COL6A3: variants seen among roughly 807,000 people sequenced by gnomAD.
COL6A3 encodes collagen type VI alpha 3 chain.
A neutral mutation model predicts 274.1 loss-of-function variants in COL6A3; 137 were observed. The observed-to-expected ratio is 0.50, with a 90% confidence interval of 0.44 to 0.58. The LOEUF (loss-of-function observed/expected upper bound fraction) is 0.58, where lower values mean the gene tolerates loss of function less well. COL6A3 is among the 20% of genes least tolerant of loss of function. The pLI, the probability that COL6A3 is intolerant of heterozygous loss-of-function variation, is 0.00. For missense variants in COL6A3, 3,950 were observed against 4,124.9 expected (o/e 0.96, Z 1.16); for synonymous variants, 1,650 against 1,650.6 (o/e 1.00, Z 0.01).
chr2:237,366,042 A>C lies in COL6A3; in HGVS notation c.5501-7T>G, dbSNP rs763492632. 4 of 1,612,344 alleles carry C rather than the reference A, an allele frequency of 2.5e-6. No individual in the cohort carries two copies. In the Admixed American group the frequency reaches 6.7e-5, roughly 27 times the overall value. ...ATCACATCCAGATTACAAGCTGGAAAGGAGAAATGCAGGTGATGAGTTCTC... is the reference window on the plus strand; with the variant it reads ...ATCACATCCAGATTACAAGCTGGAACGGAGAAATGCAGGTGATGAGTTCTC... On this transcript the variant is annotated splice_polypyrimidine_tract_variant and splice_region_variant and intron_variant, in intron 11 of 43. Coordinates refer to ENST00000295550, the MANE Select transcript of COL6A3 (RefSeq NM_004369.4).
intron 1 of COL6A3, among the ~76,000 whole-genome samples, chr2:237,400,600 T>C (rs1315537194): frequency 6.6e-6 from 1 of 150,886 alleles, no homozygotes; most frequent in African/African-American, 2.4e-5. Context: ...AGTATGGGGT[T>C]GAATCGGTAA....
intron 4 of COL6A3, among the ~76,000 whole-genome samples, chr2:237,382,585 T>C (rs547690570): frequency 3.9e-5 from 6 of 152,242 alleles, no homozygotes; most frequent in Admixed American, 3.9e-4. Flanking sequence ...CCCAAAAACC[T>C]GACAGAGATT....
intron 2 of COL6A3, among the ~76,000 whole-genome samples, chr2:237,395,918 G>C (rs559385084): frequency 6.6e-6 from 1 of 152,180 alleles, no homozygotes; most frequent in Non-Finnish European, 1.5e-5. Context: ...TGGGAGCTCA[G>C]GGTATCAGGC....
intron 28 of COL6A3, among the ~76,000 whole-genome samples, chr2:237,349,647 T>A (rs2077165719): frequency 6.6e-6 from 1 of 152,350 alleles, no homozygotes; most frequent in African/African-American, 2.4e-5. Context: ...CACAAAATTA[T>A]TGTTGGTGAG....
intron 1 of COL6A3, among the ~76,000 whole-genome samples, chr2:237,404,211 C>T (rs2078667081): frequency 1.3e-5 from 2 of 152,044 alleles, no homozygotes; most frequent in East Asian, 3.9e-4. Context: ...TGTTTTAATA[C>T]GGGATCAACA....
chr2:237,351,226 T>A, intron 26 of COL6A3, 34 bp from the exon 27 acceptor site: 1 of 1,607,634 alleles, frequency 6.2e-7, no homozygotes, highest in Non-Finnish European at 8.5e-7. Flanking sequence ...GTCAGTGAAG[T>A]GGCCAACCGT....
chr2:237,358,681 C>A, intron 20 of COL6A3, 98 bp from the exon 21 acceptor site: 1 of 1,105,284 alleles, frequency 9.0e-7, no homozygotes, highest in African/African-American at 1.5e-5. Context: ...TTAACTAGAA[C>A]AATGTTTACA....
At chr2:237,396,206 TAG>T (rs1486925517) in intron 2 of COL6A3, among the ~76,000 whole-genome samples, 2 of 152,304 alleles carry the variant, frequency 1.3e-5, no homozygotes, top group African/African-American at 2.4e-5. Context: ...AAATTCTTAA[TAG>T]AGTTAATTAG....
chr2:237,340,103 C>T (rs974376581), intron 38 of COL6A3, among the ~76,000 whole-genome samples: 2 of 152,172 alleles, frequency 1.3e-5, no homozygotes, highest in East Asian at 3.9e-4. Context: ...ACTTCTCTCG[C>T]GACATGCCAG....
chr2:237,331,335 T>C (rs868201377), intron 42 of COL6A3, among the ~76,000 whole-genome samples: 1 of 151,954 alleles, frequency 6.6e-6, no homozygotes, highest in Non-Finnish European at 1.5e-5. Context: ...ATTAAAAAAT[T>C]TTCCCCCCAC....
At chr2:237,376,394 T>C (rs1190229882) in intron 7 of COL6A3, among the ~76,000 whole-genome samples, 1 of 152,224 alleles carries the variant, frequency 6.6e-6, no homozygotes, top group Admixed American at 6.5e-5. Flanking sequence ...AGGCATTGGG[T>C]GAATATGAAG....
At position 237,404,649 on chromosome 2, in the gene COL6A3, T is replaced by C. The variant is rs140232059; in HGVS notation, c.-30-7802A>G. On this transcript the variant is annotated intron_variant, in intron 1 of 43. Coordinates refer to ENST00000295550, the MANE Select transcript of COL6A3 (RefSeq NM_004369.4). ...GCATTGACAAAGAGCACAAGTGAAT[T>C]ATGCCTTGAGCAGGTTTTGCTAATG... Among the ~76,000 whole-genome samples, 50 of 152,272 alleles carry C rather than the reference T, an allele frequency of 3.3e-4. 1 individual carries two copies. The highest frequency in any genetic ancestry group is 1.7e-3 in the South Asian group (8 of 4,832).
chr2:237,357,919 T>G lies in COL6A3; in HGVS notation c.6472-37A>C, dbSNP rs772519141. On this transcript the variant is annotated intron_variant, in intron 21 of 43. Coordinates refer to ENST00000295550, the MANE Select transcript of COL6A3 (RefSeq NM_004369.4). ...ATGGGAAAGGGAAATGAGCCACATA[T>G]GGAAGGAAAGCAGCTGCCACTGGAC... 8.8e-6 allele frequency: 14 copies of G among 1,593,024 alleles called. No homozygotes were observed. In the African/African-American group the frequency reaches 1.9e-4, roughly 21 times the overall value.
At chr2:237,378,526 C>A in intron 6 of COL6A3, 110 bp downstream of exon 6, 1 of 1,497,660 alleles carries the variant, frequency 6.7e-7, no homozygotes, top group Non-Finnish European at 9.3e-7. Flanking sequence ...TGGAAGGGAG[C>A]CAATTGTCTT....
At position 237,324,109 on chromosome 2, in the gene COL6A3, C is replaced by A. The variant is rs1050785; in HGVS notation, c.*665G>T. On this transcript the variant is annotated 3_prime_UTR_variant, in exon 44 of 44. Transcript: ENST00000295550. ...TTAAATCCCCTCCCTCCAGCACACA[C>A]AAAAAAAAAACACACAACATTAGAG... The A allele has an allele frequency of 0.65, 97,554 of 149,242 alleles. 32,004 individuals carry two copies. The highest frequency in any genetic ancestry group is 0.78 in the African/African-American group (31,791 of 40,728). The allele number at this position is 149,242 out of a possible 1,614,324, so 9.2% of individuals were successfully genotyped here. A position where few individuals can be genotyped will look rare whatever the true frequency, so the allele number is the denominator to read the frequency against.
chr2:237,384,735 G>GA (rs2078101710), intron 4 of COL6A3, among the ~76,000 whole-genome samples: 1 of 152,030 alleles, frequency 6.6e-6, no homozygotes. Flanking sequence ...CTGTCTCTGA[G>GA]AAAATAGAAG....
Position 237,344,725 on chromosome 2 carries a change from G to T in COL6A3, c.7293C>A (p.Asp2431Glu). 2 of 1,604,744 alleles carry T rather than the reference G, an allele frequency of 1.2e-6. No individual in the cohort carries two copies. The highest frequency in any genetic ancestry group is 8.5e-7 in the Non-Finnish European group (1 of 1,175,388). Residue 2431 changes from aspartate (D) to glutamate (E), a missense_variant, in exon 36 of 44, where the codon GAC (aspartate) becomes GAA (glutamate). By Grantham distance (45) the Asp-to-Glu change is conservative. Around this residue, in one of 5 missense-constraint regions of COL6A3, gnomAD observed 1,284 missense variants for 1,349.7 expected, o/e 0.95. Transcript: ENST00000295550. This position sits in a 1 kb window ranked among gnomAD's most constrained non-coding sequence, Gnocchi z 4.8. ...GGCAGTTGCTCTCAGCAATGGTCAG[G>T]TCATTCACAATACTCAAGACCACAT... ...MRDVVLSIVN[D>E]LTIAESNCPR...
At position 237,369,155 on chromosome 2, in the gene COL6A3, G is replaced by C. The variant is rs775286217; in HGVS notation, c.4308C>G (p.Asp1436Glu). 11 of 1,612,388 alleles carry C rather than the reference G, an allele frequency of 6.8e-6. No homozygotes were observed. Among genetic ancestry groups the C allele is most frequent in the Non-Finnish European group, 8.5e-6 (10 of 1,180,026 alleles). Reference sequence around the variant, plus strand: ...CAGAGCTGTCGATCAGAAAGACAATGTCTGCAGCATCACTCTCAACTGCTG... The same window carrying C: ...CAGAGCTGTCGATCAGAAAGACAATCTCTGCAGCATCACTCTCAACTGCTG... ...PPPAVESDAA[D>E]IVFLIDSSEG... is the part of the protein sequence containing the mutation. The change falls in exon 10 of 44, where the codon GAC becomes GAG. Residue 1436 changes from aspartate (D) to glutamate (E), a missense_variant. Physicochemically the swap from Asp to Glu is conservative, Grantham distance 45 (BLOSUM62 2). Around this residue, in one of 5 missense-constraint regions of COL6A3, gnomAD observed 1,934 missense variants for 1,984.3 expected, o/e 0.97. Transcript: ENST00000295550.
intron 37 of COL6A3, 96 bp from the exon 38 acceptor site, chr2:237,341,246 C>T (rs2076981373): frequency 2.4e-6 from 3 of 1,258,132 alleles, no homozygotes; most frequent in Non-Finnish European, 3.5e-6. Context: ...TTAAAATGAT[C>T]ACATAAGATC....
Sources: allele counts gnomAD v4.1 joint callset (sites outside exome capture counted in the v4.1 genomes callset), GRCh38; gene constraint gnomAD v4.1.1; regional missense constraint gnomAD v4.1.1; non-coding constraint Gnocchi (gnomAD v3.1); transcripts MANE v1.5; gene names NCBI Gene and HGNC (gene_info 2026-07-23, HGNC 2026-07-21).